Variants in CPLANE1 observed in about 807,000 individuals in gnomAD.
The protein encoded by CPLANE1 is ciliogenesis and planar polarity effector 1.
In CPLANE1, 263 loss-of-function variants were observed where a neutral mutation model predicts 362.5. The ratio of observed to expected loss-of-function variants is 0.73; its 90% confidence interval spans 0.66 to 0.80. CPLANE1 has a LOEUF of 0.80. CPLANE1 is among the 30% of genes least tolerant of loss of function. The probability of loss-of-function intolerance (pLI) is 0.00; values close to 1 mark genes in which losing one functional copy is unlikely to be tolerated. For missense variants in CPLANE1, 3,461 were observed against 3,793.4 expected, an observed-to-expected ratio of 0.91 and a Z score of 2.30; for synonymous variants, 1,212 against 1,302.6, an observed-to-expected ratio of 0.93 and a Z score of 1.50.
rs555434285 is a variant in CPLANE1, at chr5:37,113,758, T to C, written c.9400+1202A>G. Reference sequence around the variant, plus strand: ...AAGAGGCATAATACCAAGCCTAGGCTAATTACTTCATATTTCTCATCATTT... The same window carrying C: ...AAGAGGCATAATACCAAGCCTAGGCCAATTACTTCATATTTCTCATCATTT... On this transcript the variant is annotated intron_variant, in intron 51 of 52. Coordinates refer to ENST00000651892, the MANE Select transcript of CPLANE1 (RefSeq NM_001384732.1). Among the ~76,000 whole-genome samples the C allele has an allele frequency of 5.9e-5, 9 of 152,378 alleles. No individual in the cohort carries two copies. The South Asian group carries it at 1.9e-3, about 32-fold the overall frequency.
intron 15 of CPLANE1, among the ~76,000 whole-genome samples, chr5:37,214,802 A>T (rs1793583862): frequency 6.6e-6 from 1 of 152,146 alleles, no homozygotes; most frequent in South Asian, 2.1e-4. Context: ...TTAGTGCAGT[A>T]CCATAAACCT....
At chr5:37,098,389 T>TG in the CPLANE1 span, among the ~76,000 whole-genome samples, 398 of 29,778 alleles carry the variant, frequency 0.013, 4 homozygotes, top group African/African-American at 0.064. Flanking sequence ...AAACTCCGTC[T>TG]CAAAAAAAAA....
In CPLANE1 at chr5:37,147,262, G is replaced by A. The variant is rs576091578; in HGVS notation, c.8461+919C>T. Among the ~76,000 whole-genome samples, 4 of 152,158 alleles carry A rather than the reference G, an allele frequency of 2.6e-5. No homozygotes were observed. The South Asian group carries it at 8.3e-4, about 32-fold the overall frequency. On this transcript the variant is annotated intron_variant, in intron 43 of 52. Coordinates refer to ENST00000651892, the MANE Select transcript of CPLANE1 (RefSeq NM_001384732.1). ...AAAACTGACTATCCTCAGCCACAAG[G>A]GAAATTTTAACAAATATCTAAGGAT...
rs1792080294 is a variant in CPLANE1, at chr5:37,209,857, C to T, written c.2921-3432G>A. ...TGTAATATGGAAACTCAGACAAGTT[C>T]GACATTTAGCAGAGATTCTCTGGCT... On this transcript the variant is annotated intron_variant, in intron 16 of 52. Coordinates refer to ENST00000651892, the MANE Select transcript of CPLANE1 (RefSeq NM_001384732.1). The surrounding 1 kb of genome is among the most constrained non-coding windows in gnomAD (Gnocchi z 4.6). 6 of 1,363,636 alleles carry T rather than the reference C, an allele frequency of 4.4e-6. No homozygotes were observed. Among genetic ancestry groups the T allele is most frequent in the South Asian group, 3.5e-5 (3 of 85,852 alleles). 84.5% of individuals were successfully genotyped at this position (1,363,636 alleles called of 1,614,324 possible).
At position 37,226,292 on chromosome 5, in the gene CPLANE1, A is replaced by G. The variant is rs903896223; in HGVS notation, c.2291+12T>C. 1.0e-5 allele frequency: 15 copies of G among 1,453,816 alleles called. No individual in the cohort carries two copies. The highest frequency in any genetic ancestry group is 1.4e-5 in the African/African-American group (1 of 69,664). 90.1% of individuals were successfully genotyped at this position (1,453,816 alleles called of 1,614,324 possible). On this transcript the variant is annotated intron_variant, in intron 12 of 52. Transcript: ENST00000651892. ...GCTAATAGTATCCCAGTATTAAAAT[A>G]AGTGATTATACCTGTGTCCTGGCTG... is the stretch of plus-strand genomic sequence containing the variant.
intron 12 of CPLANE1, among the ~76,000 whole-genome samples, chr5:37,225,318 G>A (rs11949707): frequency 0.053 from 8,081 of 151,420 alleles, 668 homozygotes; most frequent in African/African-American, 0.18. Context: ...GCAGTGGCGT[G>A]ATATCTGCTC....
chr5:37,101,695 C>T (rs996757708), downstream of CPLANE1, among the ~76,000 whole-genome samples: 1 of 152,010 alleles, frequency 6.6e-6, no homozygotes, highest in Admixed American at 6.6e-5. Flanking sequence ...TTCTTTGTAC[C>T]TCTGATACAA....
intron 16 of CPLANE1, chr5:37,211,573 C>T: frequency 1.9e-6 from 2 of 1,035,380 alleles, no homozygotes; most frequent in Non-Finnish European, 3.0e-6. Context: ...CGCCTCTCCT[C>T]CACACCCCTT....
chr5:37,164,418 C>T (rs1179819648), intron 36 of CPLANE1, 91 bp from the exon 37 acceptor site: 1 of 893,822 alleles, frequency 1.1e-6, no homozygotes, highest in Non-Finnish European at 1.8e-6. Flanking sequence ...AGATTGAATT[C>T]TCATGTATAA....
intron 16 of CPLANE1, among the ~76,000 whole-genome samples, chr5:37,208,600 C>T (rs1426900954): frequency 6.6e-6 from 1 of 151,840 alleles, no homozygotes; most frequent in Non-Finnish European, 1.5e-5. Context: ...TGGCACGAGC[C>T]CAGGAGGCGG....
chr5:37,157,216 T>C, intron 41 of CPLANE1, 97 bp downstream of exon 41: 3 of 555,466 alleles, frequency 5.4e-6, no homozygotes, highest in South Asian at 1.7e-5. Flanking sequence ...GGGACAACCC[T>C]TTTTCTGGTT....
chr5:37,193,920 T>C (rs928739594), intron 21 of CPLANE1, among the ~76,000 whole-genome samples: 1 of 150,444 alleles, frequency 6.6e-6, no homozygotes. Context: ...GGAACTTTTT[T>C]TTTCTTTTTT....
At chr5:37,150,492 C>T (rs908876886) in intron 42 of CPLANE1, among the ~76,000 whole-genome samples, 1 of 151,948 alleles carries the variant, frequency 6.6e-6, no homozygotes, top group African/African-American at 2.4e-5. Flanking sequence ...TGATAGAAAT[C>T]ATTGTGCCTC....
chr5:37,100,388 T>C, the CPLANE1 span, among the ~76,000 whole-genome samples: 1 of 152,206 alleles, frequency 6.6e-6, no homozygotes, highest in South Asian at 2.1e-4. Context: ...TTGCTTGCTT[T>C]TGTCAGGTTT....
At chr5:37,233,596 C>G (rs1798244948) in intron 8 of CPLANE1, among the ~76,000 whole-genome samples, 1 of 152,054 alleles carries the variant, frequency 6.6e-6, no homozygotes, top group African/African-American at 2.4e-5. Flanking sequence ...TCCCCCCAAA[C>G]CATCACAACT....
At position 37,173,910 on chromosome 5, in the gene CPLANE1, C is replaced by A; in HGVS notation, c.6016G>T (p.Val2006Phe). The A allele has an allele frequency of 6.2e-7, 1 of 1,614,064 alleles. No homozygotes were observed. Residue 2006 changes from valine (V) to phenylalanine (F), a missense_variant, in exon 32 of 53, where the codon GTT becomes TTT. Val to Phe is a conservative substitution (Grantham distance 50, BLOSUM62 -1). This residue lies in a region of CPLANE1 where 3,380 missense variants were observed against 3,666.1 expected (regional missense o/e 0.92). Transcript: ENST00000651892. ...ISTYKEKSSS[V>F]PLLISNGVNV... ...ACTCCATTTGATATCAGAAGTGGAA[C>A]TGAGGAAGATTTTTCTTTATATGTA...
At chr5:37,107,876 T>G (rs1757984121) in intron 52 of CPLANE1, 98 bp from the exon 53 acceptor site, 19 of 1,445,642 alleles carry the variant, frequency 1.3e-5, no homozygotes, top group Non-Finnish European at 1.7e-5. Context: ...TTTCCAAAAA[T>G]TCTAGAGTTG....
intron 14 of CPLANE1, among the ~76,000 whole-genome samples, chr5:37,222,857 CTGAT>C (rs1344411131): frequency 1.3e-5 from 2 of 152,228 alleles, no homozygotes; most frequent in Non-Finnish European, 2.9e-5. Flanking sequence ...TCTCGTCTGA[CTGAT>C]TTTCTTGCCT....
the CPLANE1 span, among the ~76,000 whole-genome samples, chr5:37,077,429 TTC>T: frequency 6.6e-6 from 1 of 152,182 alleles, no homozygotes; most frequent in East Asian, 1.9e-4. Context: ...GTCTTCTGTC[TTC>T]TGAAAATTTG....
Sources: gnomAD v4.1 joint callset for allele counts (sites outside exome capture counted in the v4.1 genomes callset) on GRCh38, gnomAD v4.1.1 for gene constraint, gnomAD v4.1.1 regional missense constraint, Gnocchi (gnomAD v3.1) non-coding constraint, MANE v1.5 for transcripts, NCBI Gene and HGNC (gene_info 2026-07-23, HGNC 2026-07-21) for gene names.